Variants in DAB1 observed in about 807,000 individuals in gnomAD.
The protein encoded by DAB1 is disabled homolog 1.
DAB1 carries 15 observed loss-of-function variants against 64.6 expected under a neutral mutation model. The observed-to-expected ratio is 0.23, with a 90% CI of 0.16 to 0.36. The LOEUF (loss-of-function observed/expected upper bound fraction) is 0.36, where lower values mean the gene tolerates loss of function less well. Ranked by LOEUF, DAB1 falls within the 10% of genes least tolerant of loss-of-function variation. The pLI is 1.00. For missense variants in DAB1, 596 were observed against 706.7 expected, an observed-to-expected ratio of 0.84 and a Z score of 1.78; for synonymous variants, 235 against 251.9, an observed-to-expected ratio of 0.93 and a Z score of 0.64.
intron 3 of DAB1, chr1:58,480,978 C>G: frequency 1.2e-6 from 1 of 863,046 alleles, no homozygotes; most frequent in Non-Finnish European, 2.0e-6. Flanking sequence ...ACTGCCCGTT[C>G]TTTTCTCAAC....
At chr1:58,361,699 C>A (rs1218733078) in intron 3 of DAB1, among the ~76,000 whole-genome samples, 1 of 151,914 alleles carries the variant, frequency 6.6e-6, no homozygotes, top group East Asian at 1.9e-4. Flanking sequence ...TCAGCTCTAC[C>A]ATTTACTTAT....
intron 7 of DAB1, among the ~76,000 whole-genome samples, chr1:57,627,348 G>T (rs74077733): frequency 0.033 from 5,037 of 152,202 alleles, 271 homozygotes; most frequent in African/African-American, 0.12. Flanking sequence ...ACCCAATTCT[G>T]TATAATAAAT....
intron 4 of DAB1, among the ~76,000 whole-genome samples, chr1:57,117,507 A>G (rs1570723829): frequency 6.6e-6 from 1 of 152,218 alleles, no homozygotes; most frequent in Non-Finnish European, 1.5e-5. Context: ...TTTATTTTCA[A>G]ATAATGCCAT....
At chr1:57,058,413 T>C (rs1486894109) in intron 9 of DAB1, among the ~76,000 whole-genome samples, 2 of 152,224 alleles carry the variant, frequency 1.3e-5, no homozygotes, top group African/African-American at 4.8e-5. Context: ...TGTTCATTCA[T>C]TCCTCACACA....
At chr1:57,159,791 G>C (rs1375303814) in intron 2 of DAB1, among the ~76,000 whole-genome samples, 1 of 138,198 alleles carries the variant, frequency 7.2e-6, no homozygotes, top group African/African-American at 2.8e-5. Flanking sequence ...TCCAGACAAA[G>C]GAAAGCCAGG....
chr1:57,932,468 A>ATTTTTTTTTTT (rs61202343), intron 5 of DAB1, among the ~76,000 whole-genome samples: 1 of 143,504 alleles, frequency 7.0e-6, no homozygotes. Flanking sequence ...AGCCCAGCTA[A>ATTTTTTTTTTT]TTTTTTTTTT....
chr1:58,538,946 G>C (rs776655934), intron 1 of DAB1: 1 of 872,804 alleles, frequency 1.1e-6, no homozygotes, highest in South Asian at 1.3e-5. Context: ...GACAGACTAG[G>C]GACTGCTGTA....
chr1:58,184,488 A>T (rs1450177658), intron 4 of DAB1, among the ~76,000 whole-genome samples: 1 of 152,086 alleles, frequency 6.6e-6, no homozygotes, highest in Non-Finnish European at 1.5e-5. Context: ...AATGATAATG[A>T]TAACCAATAA....
chr1:57,526,585 A>G (rs1373324451), intron 7 of DAB1, among the ~76,000 whole-genome samples: 1 of 152,204 alleles, frequency 6.6e-6, no homozygotes, highest in African/African-American at 2.4e-5. Context: ...AACTCTGAGA[A>G]AGGCCCAGGT....
intron 6 of DAB1, among the ~76,000 whole-genome samples, chr1:57,706,333 T>C (rs944714421): frequency 1.5e-4 from 23 of 151,710 alleles, no homozygotes; most frequent in Non-Finnish European, 2.8e-4. Context: ...CTTTCCAGGG[T>C]GTCAGTCTGT....
At chr1:57,378,427 T>G (rs983267631) in intron 1 of DAB1, among the ~76,000 whole-genome samples, 3 of 152,214 alleles carry the variant, frequency 2.0e-5, no homozygotes, top group Admixed American at 2.0e-4. Flanking sequence ...GAGGAACTCC[T>G]CAAATTTGAA....
In DAB1 at chr1:58,427,549, C is replaced by T. The variant is rs149442462; in HGVS notation, n.257+78511G>A. On this transcript the variant is annotated intron_variant and non_coding_transcript_variant, in intron 3 of 20. Transcript: ENST00000485760. ...GCAGTGCAGCTGGTTAAAAGTGATT[C>T]GACTGTTCATATATTTTGAAAACAG... Among the ~76,000 whole-genome samples the T allele has an allele frequency of 6.8e-3, 1,038 of 152,106 alleles. 7 individuals are homozygous for T. The highest frequency in any genetic ancestry group is 0.014 in the Middle Eastern group (4 of 294).
At chr1:58,076,580 C>T (rs374162898) in intron 5 of DAB1, among the ~76,000 whole-genome samples, 8,449 of 152,234 alleles carry the variant, frequency 0.056, 280 homozygotes, top group Middle Eastern at 0.092. Flanking sequence ...AGGAGATGTT[C>T]TCAGAGTTAA....
Position 57,391,777 on chromosome 1 carries a change from ACACACACAC to A in DAB1, c.-137+32144_-137+32152del, listed in dbSNP as rs1558296754. On this transcript the variant is annotated intron_variant, in intron 1 of 14. Transcript: ENST00000371236. ...AAGGCAGAGGAATAAACACACACAC[ACACACACAC>A]ACACACACACACACACACACACACA... Among the ~76,000 whole-genome samples, 328 of 144,784 alleles carry A rather than the reference ACACACACAC, an allele frequency of 2.3e-3. 2 individuals carry two copies. The highest frequency in any genetic ancestry group is 6.6e-3 in the African/African-American group (248 of 37,706). The allele number at this position is 144,784 out of a possible 152,430, so 95.0% of individuals were successfully genotyped here.
intron 5 of DAB1, among the ~76,000 whole-genome samples, chr1:57,977,060 A>G (rs538836942): frequency 1.3e-4 from 20 of 152,276 alleles, no homozygotes; most frequent in African/African-American, 4.8e-4. Context: ...CATTTGCTCC[A>G]AACTCTTCCA....
intron 4 of DAB1, among the ~76,000 whole-genome samples, chr1:58,207,626 G>A (rs978392163): frequency 2.6e-5 from 4 of 152,196 alleles, no homozygotes; most frequent in Non-Finnish European, 5.9e-5. Context: ...CCCCACATTC[G>A]AGAAATCCCC....
chr1:57,949,507 C>A (rs34675030), intron 5 of DAB1, among the ~76,000 whole-genome samples: 16 of 141,494 alleles, frequency 1.1e-4, no homozygotes, highest in African/African-American at 4.3e-4. Flanking sequence ...ATCTATCTAT[C>A]TATATCTGTC....
At chr1:57,902,346 G>A (rs573171825) in intron 5 of DAB1, among the ~76,000 whole-genome samples, 6 of 151,572 alleles carry the variant, frequency 4.0e-5, no homozygotes, top group Middle Eastern at 3.4e-3. Context: ...TGGCAATATC[G>A]TTATCTTGTT....
intron 4 of DAB1, among the ~76,000 whole-genome samples, chr1:58,169,905 G>A (rs1173822942): frequency 1.3e-5 from 2 of 152,178 alleles, no homozygotes; most frequent in East Asian, 3.9e-4. Flanking sequence ...TCTCTGATTT[G>A]AAGCAGATCA....
Sources: allele counts gnomAD v4.1 joint callset (sites outside exome capture counted in the v4.1 genomes callset), GRCh38; gene constraint gnomAD v4.1.1; transcripts MANE v1.5; gene names NCBI Gene and HGNC (gene_info 2026-07-23, HGNC 2026-07-21).